Variants in ANK2 observed in about 807,000 individuals in gnomAD.
ANK2 encodes ankyrin 2.
A neutral mutation model predicts 360.5 loss-of-function variants in ANK2; 83 were observed. That is an observed-to-expected ratio of 0.23 (90% confidence interval 0.19 to 0.28). The LOEUF (loss-of-function observed/expected upper bound fraction) is 0.28. ANK2 is among the 10% of genes least tolerant of loss of function. ANK2 has a pLI of 1.00. For synonymous variants in ANK2, 1,740 were observed against 1,759.5 expected (o/e 0.99, Z 0.28); for missense variants, 4,201 against 4,795.7 (o/e 0.88, Z 3.66).
At chr4:113,158,328 C>T (rs1288084783) in intron 1 of ANK2, among the ~76,000 whole-genome samples, 1 of 152,180 alleles carries the variant, frequency 6.6e-6, no homozygotes, top group Non-Finnish European at 1.5e-5. Flanking sequence ...CCAATCAAAA[C>T]ACATATGAGT....
At chr4:113,352,977 C>G (rs1406787609) in intron 37 of ANK2, 68 bp from the exon 38 acceptor site, 2 of 1,562,252 alleles carry the variant, frequency 1.3e-6, no homozygotes, top group African/African-American at 2.7e-5. Context: ...CGTTTCAGTC[C>G]TGATTACATT....
At chr4:112,975,498 G>T (rs2041078434) in intron 2 of ANK2, among the ~76,000 whole-genome samples, 1 of 152,112 alleles carries the variant, frequency 6.6e-6, no homozygotes, top group African/African-American at 2.4e-5. Flanking sequence ...TTCACTGTTT[G>T]ATGTATTCAG....
At chr4:112,930,279 T>TA (rs577751062) in intron 2 of ANK2, among the ~76,000 whole-genome samples, 210 of 151,262 alleles carry the variant, frequency 1.4e-3, no homozygotes, top group South Asian at 4.8e-3. Flanking sequence ...ACCCAGTCTC[T>TA]AAAAAAAATA....
At chr4:112,838,977 C>G (rs919993960) in intron 1 of ANK2, among the ~76,000 whole-genome samples, 3 of 152,194 alleles carry the variant, frequency 2.0e-5, no homozygotes, top group Non-Finnish European at 2.9e-5. Flanking sequence ...TCAACTTTCC[C>G]CTATCAAATA....
At chr4:112,726,616 C>T in the ANK2 span, among the ~76,000 whole-genome samples, 2 of 152,074 alleles carry the variant, frequency 1.3e-5, no homozygotes, top group South Asian at 4.2e-4. Context: ...TTGCGGGAGG[C>T]CGAGGCGGGC....
In ANK2 at chr4:113,356,682, A is replaced by T; in HGVS notation, c.8064A>T (p.Arg2688=). The T allele has an allele frequency of 2.5e-6, 4 of 1,614,148 alleles. No individual in the cohort carries two copies. Among genetic ancestry groups the T allele is most frequent in the Non-Finnish European group, 3.4e-6 (4 of 1,179,992 alleles). Residue 2688 remains arginine, a synonymous_variant, in exon 38 of 46, where the codon CGA becomes CGT. Transcript: ENST00000357077. The part of the protein sequence containing the change: ...DSGLLPEPVI[R]VQPPSPLPSS... ...GCCTTTTACCAGAACCAGTGATTCG[A>T]GTACAACCTCCTTCTCCACTTCCAT...
At chr4:113,319,257 C>T (rs1260377041) in intron 26 of ANK2, among the ~76,000 whole-genome samples, 1 of 151,982 alleles carries the variant, frequency 6.6e-6, no homozygotes, top group African/African-American at 2.4e-5. Flanking sequence ...GTCATACTTT[C>T]AAACATACTT....
At chr4:113,049,558 G>T, upstream of ANK2, 1 of 1,323,760 alleles carries the variant, frequency 7.6e-7, no homozygotes, top group Non-Finnish European at 1.0e-6. Flanking sequence ...CAGATAAACA[G>T]TTGTGGCAGC....
rs1026905170 is a variant in ANK2, at chr4:113,287,456, C to G, written c.2080-149C>G. On this transcript the variant is annotated intron_variant, in intron 18 of 45. Coordinates refer to ENST00000357077, the MANE Select transcript of ANK2 (RefSeq NM_001148.6). ...AAACACCATTAATTTAGAGAGTTTG[C>G]CTTGAATATCAGAAGATATAGTTTC... 3 of 688,794 alleles carry G rather than the reference C, an allele frequency of 4.4e-6. No homozygotes were observed. In the East Asian group the frequency reaches 8.6e-5, roughly 20 times the overall value. The allele number at this position is 688,794 out of a possible 1,614,324, so 42.7% of individuals were successfully genotyped here. A position where few individuals can be genotyped will look rare whatever the true frequency, so the allele number is the denominator to read the frequency against.
intron 17 of ANK2, among the ~76,000 whole-genome samples, chr4:113,282,406 G>A (rs540600441): frequency 6.6e-6 from 1 of 152,284 alleles, no homozygotes; most frequent in East Asian, 1.9e-4. Context: ...TGCTTTTCAG[G>A]AGAGAAGCAA....
upstream of ANK2, among the ~76,000 whole-genome samples, chr4:112,816,841 T>C (rs574088865): frequency 1.5e-4 from 23 of 152,286 alleles, 1 homozygote; most frequent in South Asian, 2.3e-3. Context: ...TGAAACCCTA[T>C]CTGTACTAAA....
intron 2 of ANK2, among the ~76,000 whole-genome samples, chr4:113,028,143 G>A (rs1223337744): frequency 6.6e-6 from 1 of 151,936 alleles, no homozygotes; most frequent in Non-Finnish European, 1.5e-5. Context: ...TAGGGGATGT[G>A]AGCAATTAAG....
chr4:112,827,087 A>G lies in ANK2; in HGVS notation c.-40+8823A>G, dbSNP rs577146598. 1.4e-4 allele frequency: 164 copies of G among 1,131,392 alleles called. No homozygotes were observed. The South Asian group carries it at 2.0e-3, about 13-fold the overall frequency. 70.1% of individuals were successfully genotyped at this position (1,131,392 alleles called of 1,614,324 possible). On this transcript the variant is annotated intron_variant, in intron 1 of 30. Coordinates refer to the ANK2 transcript ENST00000503271. The stretch of plus-strand genomic sequence containing the variant: ...AACTTGATCACCCATGCAACACAGG[A>G]AAAATTATGAAGCCTTCTAGAAAAA...
chr4:113,198,665 T>G (rs1470851545), intron 3 of ANK2, among the ~76,000 whole-genome samples: 2 of 152,266 alleles, frequency 1.3e-5, no homozygotes, highest in East Asian at 3.9e-4. Context: ...TTAGTTAATA[T>G]TTCTTTGCAA....
chr4:113,209,436 T>A (rs1205844068), intron 4 of ANK2, among the ~76,000 whole-genome samples: 1 of 151,950 alleles, frequency 6.6e-6, no homozygotes, highest in Non-Finnish European at 1.5e-5. Flanking sequence ...GCAGGGCTAC[T>A]TCTTTTTGTA....
chr4:112,865,796 T>A (rs2070296130), intron 1 of ANK2, among the ~76,000 whole-genome samples: 1 of 152,260 alleles, frequency 6.6e-6, no homozygotes, highest in Non-Finnish European at 1.5e-5. Context: ...ATTTCATACA[T>A]TTCTGTGCAG....
intron 18 of ANK2, among the ~76,000 whole-genome samples, chr4:113,284,804 T>C (rs759237648): frequency 1.4e-4 from 21 of 151,640 alleles, no homozygotes; most frequent in Non-Finnish European, 2.1e-4. Context: ...ATAAAACATA[T>C]AACCTTGCCT....
rs1231200621 is a variant in ANK2 at position 113,383,387 on chromosome 4, CTT to C, written c.*1920_*1921del. ...AAAATAAGAGAGGCCGATGGTGAAA[CTT>C]TTTGAGACACCCTATGGCCTTCTTG... On this transcript the variant is annotated 3_prime_UTR_variant, in exon 46 of 46. Transcript: ENST00000357077. 1 of 152,578 alleles carries C rather than the reference CTT, an allele frequency of 6.6e-6. No homozygotes were observed. Among genetic ancestry groups the C allele is most frequent in the African/African-American group, 2.4e-5 (1 of 41,436 alleles). 9.5% of individuals were successfully genotyped at this position (152,578 alleles called of 1,614,324 possible). A position where few individuals can be genotyped will look rare whatever the true frequency, so the allele number is the denominator to read the frequency against.
chr4:113,245,515 ATGG>A (rs2042372615), intron 9 of ANK2, among the ~76,000 whole-genome samples: 1 of 152,162 alleles, frequency 6.6e-6, no homozygotes. Flanking sequence ...CCTTCTTCAA[ATGG>A]TGGCAGGAGA....
Sources: gnomAD v4.1 joint callset for allele counts (sites outside exome capture counted in the v4.1 genomes callset) on GRCh38, gnomAD v4.1.1 for gene constraint, MANE v1.5 for transcripts, NCBI Gene and HGNC (gene_info 2026-07-23, HGNC 2026-07-21) for gene names.